FAM81A: variants seen among roughly 807,000 people sequenced by gnomAD.
FAM81A encodes family with sequence similarity 81 member A, also known as protein FAM81A.
In FAM81A, 19 loss-of-function variants were observed where a neutral mutation model predicts 46.7. The observed-to-expected ratio is 0.41, with a 90% confidence interval of 0.28 to 0.60. FAM81A has a LOEUF of 0.60. Ranked by LOEUF, FAM81A falls within the 20% of genes least tolerant of loss-of-function variation. The pLI is 0.34. For synonymous variants in FAM81A, 183 were observed against 152.9 expected, an observed-to-expected ratio of 1.20 and a Z score of -1.45; for missense variants, 377 against 453.5, an observed-to-expected ratio of 0.83 and a Z score of 1.53.
chr15:59,455,754 T>G (rs1171577802), intron 1 of FAM81A, among the ~76,000 whole-genome samples: 5 of 152,206 alleles, frequency 3.3e-5, no homozygotes, highest in African/African-American at 1.2e-4. Flanking sequence ...GTGGCTTGAC[T>G]TTTGTGGCTC....
intron 6 of FAM81A, among the ~76,000 whole-genome samples, chr15:59,510,154 G>A (rs1454455010): frequency 6.6e-6 from 1 of 151,994 alleles, no homozygotes; most frequent in Non-Finnish European, 1.5e-5. Context: ...TCACCTGAGG[G>A]CAGGAGTTTC....
rs1567039182 is a variant in FAM81A, at chr15:59,421,794, C to CTAT, written c.-78+19436_-78+19437insTAT. On this transcript the variant is annotated intron_variant, in intron 2 of 4. Coordinates refer to the FAM81A transcript ENST00000558348. ...ATCTATCTATCTATCTATCTATCTACCTACCTAACTACCTACCAAAAAAGC... is the reference window on the plus strand; with the variant it reads ...ATCTATCTATCTATCTATCTATCTACTATCTACCTAACTACCTACCAAAAAAGC... Among the ~76,000 whole-genome samples, 64 of 137,172 alleles carry CTAT rather than the reference C, an allele frequency of 4.7e-4. 2 individuals carry two copies. The highest frequency in any genetic ancestry group is 1.8e-3 in the African/African-American group (60 of 32,676). The allele number at this position is 137,172 out of a possible 152,430, so 90.0% of individuals were successfully genotyped here. A position where few individuals can be genotyped will look rare whatever the true frequency, so the allele number is the denominator to read the frequency against.
chr15:59,490,057 T>C (rs989563882), intron 3 of FAM81A, among the ~76,000 whole-genome samples: 1 of 151,594 alleles, frequency 6.6e-6, no homozygotes, highest in Admixed American at 6.6e-5. Flanking sequence ...CAAACATCCA[T>C]GGCACGAGTT....
At chr15:59,475,877 G>C (rs1405495119) in intron 3 of FAM81A, among the ~76,000 whole-genome samples, 2 of 152,164 alleles carry the variant, frequency 1.3e-5, no homozygotes, top group Non-Finnish European at 2.9e-5. Flanking sequence ...CTGTCTTATA[G>C]CCAAACTTCA....
chr15:59,481,305 G>A (rs1241125044), intron 3 of FAM81A, among the ~76,000 whole-genome samples: 2 of 152,040 alleles, frequency 1.3e-5, no homozygotes, highest in African/African-American at 4.8e-5. Context: ...ACCCCAGAGC[G>A]GTTCTAATAC....
chr15:59,408,962 A>G (rs2081108418), intron 2 of FAM81A: 2 of 152,232 alleles, frequency 1.3e-5, no homozygotes, highest in South Asian at 4.1e-4. Flanking sequence ...AGTTACAGAT[A>G]AAACACCTTG....
chr15:59,412,436 G>C (rs1334333093), intron 2 of FAM81A, among the ~76,000 whole-genome samples: 6 of 152,124 alleles, frequency 3.9e-5, no homozygotes, highest in African/African-American at 1.4e-4. Flanking sequence ...CCAAAGAATA[G>C]TGTTACAAGC....
chr15:59,520,563 A>ATT (rs71119482), intron 8 of FAM81A, among the ~76,000 whole-genome samples: 9 of 122,250 alleles, frequency 7.4e-5, no homozygotes, highest in African/African-American at 8.8e-5. Context: ...TGTTTGCTTC[A>ATT]TTTTTTTTTT....
intron 4 of FAM81A, among the ~76,000 whole-genome samples, chr15:59,501,338 C>G (rs1334261257): frequency 6.6e-6 from 1 of 152,128 alleles, no homozygotes; most frequent in Non-Finnish European, 1.5e-5. Context: ...ATATCACACC[C>G]AAATCTTAGG....
chr15:59,411,448 A>T (rs1250849201), intron 2 of FAM81A, among the ~76,000 whole-genome samples: 1 of 152,334 alleles, frequency 6.6e-6, no homozygotes, highest in South Asian at 2.1e-4. Flanking sequence ...GAAGAGGGGA[A>T]GTAAATTACT....
At chr15:59,483,675 A>G (rs1466290545) in intron 3 of FAM81A, among the ~76,000 whole-genome samples, 1 of 152,206 alleles carries the variant, frequency 6.6e-6, no homozygotes, top group Admixed American at 6.5e-5. Context: ...TGTAATCTCA[A>G]GAAACCCTTG....
chr15:59,491,856 C>A (rs1233444896), intron 3 of FAM81A, among the ~76,000 whole-genome samples: 3 of 152,024 alleles, frequency 2.0e-5, no homozygotes, highest in Non-Finnish European at 2.9e-5. Flanking sequence ...ATCCCAGCTG[C>A]TCGGGAAGCT....
upstream of FAM81A, among the ~76,000 whole-genome samples, chr15:59,433,366 C>G (rs1596468317): frequency 6.6e-6 from 1 of 151,848 alleles, no homozygotes; most frequent in African/African-American, 2.4e-5. Flanking sequence ...CACCCTGAGG[C>G]TGAACTTTCC....
chr15:59,469,802 T>A (rs573025272), intron 3 of FAM81A, among the ~76,000 whole-genome samples: 30 of 152,230 alleles, frequency 2.0e-4, no homozygotes, highest in Non-Finnish European at 4.3e-4. Flanking sequence ...TGCAGTTTCT[T>A]CACAGCATCA....
chr15:59,494,571 A>G (rs2082014881), intron 4 of FAM81A, among the ~76,000 whole-genome samples: 1 of 152,234 alleles, frequency 6.6e-6, no homozygotes, highest in African/African-American at 2.4e-5. Flanking sequence ...TCCCTGTAAC[A>G]AAAACTTTCA....
chr15:59,415,308 G>A (rs1436925315), intron 2 of FAM81A, among the ~76,000 whole-genome samples: 3 of 150,812 alleles, frequency 2.0e-5, no homozygotes, highest in African/African-American at 7.3e-5. Flanking sequence ...TAGTAGAGAC[G>A]GGGGTTTCAC....
intron 1 of FAM81A, among the ~76,000 whole-genome samples, chr15:59,449,844 C>T (rs558583443): frequency 6.9e-6 from 1 of 145,512 alleles, no homozygotes; most frequent in South Asian, 2.3e-4. Context: ...CCTTCTTCAG[C>T]TTACTTTTTT....
At chr15:59,463,807 CA>C (rs1184718324) in intron 3 of FAM81A, among the ~76,000 whole-genome samples, 2 of 151,992 alleles carry the variant, frequency 1.3e-5, no homozygotes, top group Non-Finnish European at 2.9e-5. Flanking sequence ...TTAATTTTGT[CA>C]GTTTTTTTTG....
chr15:59,483,590 G>A (rs774774275), intron 3 of FAM81A, among the ~76,000 whole-genome samples: 1 of 151,974 alleles, frequency 6.6e-6, no homozygotes, highest in Non-Finnish European at 1.5e-5. Context: ...TTTCCAAATG[G>A]GCCTGCAAAT....
Sources: gnomAD v4.1 joint callset for allele counts (sites outside exome capture counted in the v4.1 genomes callset) on GRCh38, gnomAD v4.1.1 for gene constraint, MANE v1.5 for transcripts, NCBI Gene and HGNC (gene_info 2026-07-23, HGNC 2026-07-21) for gene names.